Variants in NKAIN3 observed in about 807,000 individuals in gnomAD.
NKAIN3 encodes sodium/potassium-transporting ATPase subunit beta-1-interacting protein 3.
A neutral mutation model predicts 30.2 loss-of-function variants in NKAIN3; 25 were observed. The ratio of observed to expected loss-of-function variants is 0.83; its 90% CI spans 0.60 to 1.16. The LOEUF (loss-of-function observed/expected upper bound fraction) is 1.16. Among genes scored for constraint, NKAIN3 ranks in the 50% most tolerant of loss-of-function variants. The pLI is 0.00. For missense variants in NKAIN3, 225 were observed against 254.1 expected (o/e 0.89, Z 0.78); for synonymous variants, 91 against 89.6 (o/e 1.02, Z -0.09).
intron 1 of NKAIN3, among the ~76,000 whole-genome samples, chr8:62,342,898 A>G (rs926958630): frequency 3.3e-5 from 5 of 152,108 alleles, no homozygotes; most frequent in Non-Finnish European, 5.9e-5. Flanking sequence ...GCACACTTTA[A>G]TATAACTATC....
At chr8:62,871,421 AAAAC>A (rs1031050324) in intron 4 of NKAIN3, among the ~76,000 whole-genome samples, 6 of 141,614 alleles carry the variant, frequency 4.2e-5, no homozygotes, top group African/African-American at 7.9e-5. Context: ...AAAAAAAACA[AAAAC>A]AAACAAACAA....
At position 62,972,060 on chromosome 8, in the gene NKAIN3, C is replaced by T. The variant is rs1823847423; in HGVS notation, c.*6653C>T. On this transcript the variant is annotated 3_prime_UTR_variant, in exon 7 of 7. Transcript: ENST00000623646. ...TAAATTAATTCTTCTATGGTCATAA[C>T]ACTTGGCTATTTTATTTTGGTAGGG... is the stretch of plus-strand genomic sequence containing the variant. Among the ~76,000 whole-genome samples, 1 of 152,140 alleles carries T rather than the reference C, an allele frequency of 6.6e-6. No individual in the cohort carries two copies. Among genetic ancestry groups the T allele is most frequent in the East Asian group, 1.9e-4 (1 of 5,196 alleles).
chr8:62,734,547 A>G lies in NKAIN3; in HGVS notation c.274-12385A>G, dbSNP rs114772590. ...CTGATAAGTCAGGAAGAATGCTTGA[A>G]CCCATTCAGAATTCCCTTTCTTATG... is the stretch of plus-strand genomic sequence containing the variant. On this transcript the variant is annotated intron_variant, in intron 3 of 6. Transcript: ENST00000623646. 2.9e-3 allele frequency among the ~76,000 whole-genome samples: 444 copies of G among 152,216 alleles called. 2 individuals carry two copies. The highest frequency in any genetic ancestry group is 0.01 in the African/African-American group (422 of 41,530).
At position 62,253,843 on chromosome 8, in the gene NKAIN3, A is replaced by G. The variant is rs1035363100; in HGVS notation, c.54+4716A>G. ...ACCTGTCGTAGATATTGGACAGCGA[A>G]TGCTGAAATATATTTCTTTTACTAT... is the stretch of plus-strand genomic sequence containing the variant. On this transcript the variant is annotated intron_variant, in intron 1 of 6. Coordinates refer to ENST00000623646, the MANE Select transcript of NKAIN3 (RefSeq NM_001304533.3). Among the ~76,000 whole-genome samples the G allele has an allele frequency of 5.9e-5, 9 of 152,188 alleles. No individual in the cohort carries two copies. The East Asian group carries it at 1.5e-3, about 26-fold the overall frequency.
chr8:62,513,759 T>G (rs1387552895), intron 1 of NKAIN3, among the ~76,000 whole-genome samples: 2 of 144,156 alleles, frequency 1.4e-5, no homozygotes, highest in Non-Finnish European at 3.0e-5. Context: ...TAGTCCCAGC[T>G]ATTAGGGAGG....
chr8:62,933,173 C>A (rs1394227954), intron 5 of NKAIN3, among the ~76,000 whole-genome samples: 1 of 151,972 alleles, frequency 6.6e-6, no homozygotes, highest in African/African-American at 2.4e-5. Context: ...AACAGCAATT[C>A]ATAGAAAGGG....
chr8:62,759,859 A>G (rs1317601182), intron 4 of NKAIN3, among the ~76,000 whole-genome samples: 3 of 152,198 alleles, frequency 2.0e-5, no homozygotes, highest in Non-Finnish European at 4.4e-5. Context: ...AATTTTTGCA[A>G]TCTACTCATC....
chr8:62,660,215 G>A (rs1333893794), intron 3 of NKAIN3, among the ~76,000 whole-genome samples: 1 of 152,152 alleles, frequency 6.6e-6, no homozygotes, highest in African/African-American at 2.4e-5. Flanking sequence ...CAGCACTAAC[G>A]ATGAGTGACC....
chr8:62,614,363 C>T (rs542892902), intron 3 of NKAIN3, among the ~76,000 whole-genome samples: 1 of 152,288 alleles, frequency 6.6e-6, no homozygotes, highest in East Asian at 1.9e-4. Flanking sequence ...CAGAGTCTCT[C>T]TCTCTGCCCT....
chr8:62,817,453 G>A (rs1742720040), intron 4 of NKAIN3, among the ~76,000 whole-genome samples: 1 of 152,002 alleles, frequency 6.6e-6, no homozygotes. Context: ...ACCTTCTTCT[G>A]GTCTGGCATT....
chr8:62,283,375 C>T (rs866457029), intron 1 of NKAIN3, among the ~76,000 whole-genome samples: 1 of 151,950 alleles, frequency 6.6e-6, no homozygotes, highest in African/African-American at 2.4e-5. Context: ...AGGACTGTTC[C>T]ATAGAACAAA....
chr8:62,557,649 T>C (rs1416932595), intron 1 of NKAIN3, among the ~76,000 whole-genome samples: 1 of 152,204 alleles, frequency 6.6e-6, no homozygotes, highest in South Asian at 2.1e-4. Flanking sequence ...TGCATTTCCC[T>C]GATCATTAGT....
chr8:62,600,249 A>G (rs1403915540), intron 3 of NKAIN3, among the ~76,000 whole-genome samples: 1 of 152,068 alleles, frequency 6.6e-6, no homozygotes. Flanking sequence ...CTGAACCTGT[A>G]CAACTGTGCA....
intron 1 of NKAIN3, among the ~76,000 whole-genome samples, chr8:62,312,361 CA>C (rs1814471345): frequency 6.6e-6 from 1 of 150,436 alleles, no homozygotes; most frequent in Non-Finnish European, 1.5e-5. Context: ...GGCTCTTAAG[CA>C]AAAAATATTG....
At chr8:62,628,335 G>A (rs2130255187) in intron 3 of NKAIN3, among the ~76,000 whole-genome samples, 1 of 152,224 alleles carries the variant, frequency 6.6e-6, no homozygotes, top group Admixed American at 6.5e-5. Context: ...ATGCATTATT[G>A]ATGTACTAAA....
At chr8:62,699,220 G>A (rs1814255859) in intron 3 of NKAIN3, among the ~76,000 whole-genome samples, 1 of 152,084 alleles carries the variant, frequency 6.6e-6, no homozygotes, top group Non-Finnish European at 1.5e-5. Context: ...ATTTGATATA[G>A]CTACACAAAA....
intron 1 of NKAIN3, among the ~76,000 whole-genome samples, chr8:62,369,210 G>GT (rs202139219): frequency 0.033 from 4,954 of 152,086 alleles, 313 homozygotes; most frequent in African/African-American, 0.11. Flanking sequence ...GACTATGAAA[G>GT]TTTTTTCTGT....
intron 1 of NKAIN3, among the ~76,000 whole-genome samples, chr8:62,381,269 G>A (rs891665551): frequency 7.9e-5 from 12 of 151,934 alleles, no homozygotes; most frequent in African/African-American, 2.2e-4. Context: ...GTATGAAGAC[G>A]TTTTAAAAGA....
chr8:62,914,961 C>T (rs140927992), intron 4 of NKAIN3, among the ~76,000 whole-genome samples: 6 of 152,036 alleles, frequency 3.9e-5, no homozygotes, highest in African/African-American at 1.4e-4. Flanking sequence ...CCTTGCCCCC[C>T]CACAGGCCCT....
Sources: gnomAD v4.1 joint callset for allele counts (sites outside exome capture counted in the v4.1 genomes callset) on GRCh38, gnomAD v4.1.1 for gene constraint, MANE v1.5 for transcripts, NCBI Gene and HGNC (gene_info 2026-07-23, HGNC 2026-07-21) for gene names.